The following DACH2 variants were observed in gnomAD, a reference collection of about 807,000 sequenced individuals.
DACH2 encodes the protein dachshund family transcription factor 2, also known as dachshund homolog 2.
DACH2 carries 17 observed loss-of-function variants against 35.8 expected under a neutral mutation model. That is an observed-to-expected ratio of 0.48 (90% CI 0.33 to 0.71). The LOEUF is 0.71. DACH2 is among the 30% of genes least tolerant of loss of function. The probability of loss-of-function intolerance (pLI) is 0.02; values close to 1 mark genes in which losing one functional copy is unlikely to be tolerated. For synonymous variants in DACH2, 195 were observed against 177.3 expected (o/e 1.10, Z -0.79); for missense variants, 469 against 472.7 (o/e 0.99, Z 0.07).
intron 2 of DACH2, among the ~76,000 whole-genome samples, chrX:86,462,509 T>A (rs770135262): frequency 8.9e-6 from 1 of 111,934 alleles, no homozygotes; most frequent in African/African-American, 3.2e-5. Flanking sequence ...ACATTGTTCA[T>A]CTAATTACAC....
intron 4 of DACH2, among the ~76,000 whole-genome samples, chrX:86,669,928 G>A (rs769021294): frequency 3.6e-5 from 4 of 110,397 alleles, no homozygotes; most frequent in Non-Finnish European, 7.6e-5. Flanking sequence ...ATGTAACACT[G>A]TCACAGGGGT....
chrX:86,625,209 AGTGTGTGTGTGT>A (rs72281959), intron 3 of DACH2, among the ~76,000 whole-genome samples: 1,891 of 85,421 alleles, frequency 0.022, 16 homozygotes, highest in African/African-American at 0.026. Context: ...AAACCTTCTT[AGTGTGTGTGTGT>A]GTGTGTGTGT....
chrX:86,200,256 C>T (rs1469545696), intron 1 of DACH2, among the ~76,000 whole-genome samples: 4 of 111,095 alleles, frequency 3.6e-5, no homozygotes, highest in African/African-American at 1.3e-4. Context: ...AGCTAGACCC[C>T]TTCCTTACAC....
intron 5 of DACH2, among the ~76,000 whole-genome samples, chrX:86,712,108 AAAG>A (rs1226453114): frequency 9.0e-6 from 1 of 111,620 alleles, no homozygotes; most frequent in African/African-American, 3.3e-5. Flanking sequence ...CAGTGTAAAC[AAAG>A]AAGGACTGAA....
At chrX:86,408,253 T>G (rs2036556118) in intron 2 of DACH2, among the ~76,000 whole-genome samples, 1 of 111,798 alleles carries the variant, frequency 8.9e-6, no homozygotes, top group East Asian at 2.8e-4. Context: ...AAACATATAT[T>G]ATATGCCAGA....
At chrX:86,755,322 T>A (rs1005927438) in intron 7 of DACH2, among the ~76,000 whole-genome samples, 3 of 111,736 alleles carry the variant, frequency 2.7e-5, no homozygotes, top group African/African-American at 9.8e-5. Context: ...GATATTAATC[T>A]CTTGCTGGAT....
chrX:86,806,512 T>C (rs181953817), intron 7 of DACH2, among the ~76,000 whole-genome samples: 1 of 112,160 alleles, frequency 8.9e-6, no homozygotes, highest in African/African-American at 3.2e-5. Context: ...AGTATTTGCA[T>C]ATACATAATT....
At chrX:86,451,232 G>A (rs752562496) in intron 2 of DACH2, among the ~76,000 whole-genome samples, 1 of 111,649 alleles carries the variant, frequency 9.0e-6, no homozygotes, top group African/African-American at 3.3e-5. Flanking sequence ...ATTAATTTTT[G>A]TATATGGTAT....
rs187901223 is a variant in DACH2, at chrX:86,749,241, C to T, written c.1240+9359C>T. On this transcript the variant is annotated intron_variant, in intron 7 of 11. Transcript: ENST00000373125. ...TAGCACTCTTAATGTCCTTCAAGAA[C>T]TTTTCCTTTGCATTCACAACTTGGC... Among the ~76,000 whole-genome samples, 830 of 112,079 alleles carry T rather than the reference C, an allele frequency of 7.4e-3. 7 individuals carry two copies. Among genetic ancestry groups the T allele is most frequent in the Middle Eastern group, 9.1e-3 (2 of 219 alleles).
intron 4 of DACH2, among the ~76,000 whole-genome samples, chrX:86,693,815 G>A (rs2041036067): frequency 9.0e-6 from 1 of 111,494 alleles, no homozygotes; most frequent in African/African-American, 3.3e-5. Context: ...AGTGACAATT[G>A]GAAGCAATGT....
chrX:86,614,764 C>T (rs1179951000), intron 3 of DACH2, among the ~76,000 whole-genome samples: 2 of 111,526 alleles, frequency 1.8e-5, no homozygotes, highest in African/African-American at 6.5e-5. Context: ...TAGCAGTGCT[C>T]ATCAGCAAAA....
intron 1 of DACH2, among the ~76,000 whole-genome samples, chrX:86,187,924 A>C (rs1197577857): frequency 1.8e-5 from 2 of 111,820 alleles, no homozygotes; most frequent in African/African-American, 6.5e-5. Flanking sequence ...ATAATAATGA[A>C]ATCTTAGACT....
chrX:86,402,373 C>G (rs1668153132), intron 2 of DACH2, among the ~76,000 whole-genome samples: 1 of 111,750 alleles, frequency 8.9e-6, no homozygotes, highest in African/African-American at 3.2e-5. Context: ...AATAGGATTT[C>G]TATACATCAA....
chrX:86,592,216 T>G (rs1167350264), intron 3 of DACH2, among the ~76,000 whole-genome samples: 1 of 111,931 alleles, frequency 8.9e-6, no homozygotes, highest in Non-Finnish European at 1.9e-5. Flanking sequence ...GTGTAAGATC[T>G]GTATCTAGAT....
chrX:86,689,317 C>G (rs889083581), intron 4 of DACH2, among the ~76,000 whole-genome samples: 11 of 111,157 alleles, frequency 9.9e-5, no homozygotes, highest in Admixed American at 9.6e-4. Context: ...TAGAGTATAG[C>G]ACCTTTACAC....
chrX:86,455,654 C>A (rs1041481432), intron 2 of DACH2, among the ~76,000 whole-genome samples: 2 of 112,606 alleles, frequency 1.8e-5, no homozygotes, highest in Admixed American at 1.9e-4. Context: ...GGAATGTATG[C>A]GTTTACTGAA....
intron 2 of DACH2, among the ~76,000 whole-genome samples, chrX:86,394,063 A>T (rs1445998899): frequency 9.2e-6 from 1 of 108,893 alleles, no homozygotes; most frequent in Non-Finnish European, 1.9e-5. Flanking sequence ...ACTTTTTATG[A>T]TGTTTCAGGG....
intron 3 of DACH2, among the ~76,000 whole-genome samples, chrX:86,517,504 C>T (rs1329630705): frequency 9.3e-6 from 1 of 107,544 alleles, no homozygotes; most frequent in Non-Finnish European, 1.9e-5. Flanking sequence ...GCAACCTCTG[C>T]CTCCTGGGCT....
chrX:86,642,605 A>G (rs2040360340), intron 3 of DACH2, among the ~76,000 whole-genome samples: 1 of 112,023 alleles, frequency 8.9e-6, no homozygotes, highest in African/African-American at 3.2e-5. Flanking sequence ...GACCAAATGG[A>G]TCTGATAGAC....
Sources: allele counts gnomAD v4.1 joint callset (sites outside exome capture counted in the v4.1 genomes callset), GRCh38; gene constraint gnomAD v4.1.1; transcripts MANE v1.5; gene names NCBI Gene and HGNC (gene_info 2026-07-23, HGNC 2026-07-21).